ZNF540: variants seen among roughly 807,000 people sequenced by gnomAD.
The protein encoded by ZNF540 is zinc finger protein 540, also known as CTD-3064H18.6.
ZNF540 carries 3 observed loss-of-function variants against 11.8 expected under a neutral mutation model. That is an observed-to-expected ratio of 0.25 (90% CI 0.12 to 0.65). ZNF540 has a LOEUF of 0.65. Among genes scored for constraint, ZNF540 ranks in the 30% least tolerant of loss-of-function variants. The pLI, the probability that ZNF540 is intolerant of heterozygous loss-of-function variation, is 0.83. For synonymous variants in ZNF540, 247 were observed against 259.0 expected, an observed-to-expected ratio of 0.95 and a Z score of 0.45; for missense variants, 709 against 793.1, an observed-to-expected ratio of 0.89 and a Z score of 1.27.
intron 1 of ZNF540, chr19:37,586,824 C>T: frequency 3.6e-6 from 3 of 823,562 alleles, no homozygotes; most frequent in Non-Finnish European, 5.8e-6. Flanking sequence ...ACCTTTACTT[C>T]TCCTCTTTTG....
chr19:37,578,282 C>G (rs1418230709), intron 1 of ZNF540, among the ~76,000 whole-genome samples: 1 of 152,124 alleles, frequency 6.6e-6, no homozygotes, highest in Non-Finnish European at 1.5e-5. Context: ...TCACAGAGAA[C>G]AGAGAGACAA....
upstream of ZNF540, among the ~76,000 whole-genome samples, chr19:37,590,407 G>A (rs570971998): frequency 4.7e-5 from 7 of 150,226 alleles, no homozygotes; most frequent in Non-Finnish European, 8.9e-5. Flanking sequence ...ACAGAGTGAG[G>A]CTCCGTTTCA....
chr19:37,593,367 ACT>A (rs1204914454), upstream of ZNF540, among the ~76,000 whole-genome samples: 3 of 152,050 alleles, frequency 2.0e-5, no homozygotes, highest in East Asian at 5.8e-4. Flanking sequence ...AAATTTTAAA[ACT>A]CTTCAAATTT....
At chr19:37,606,897 G>C (rs896315727) in intron 4 of ZNF540, among the ~76,000 whole-genome samples, 1 of 151,430 alleles carries the variant, frequency 6.6e-6, no homozygotes, top group East Asian at 1.9e-4. Context: ...TTTTCATTTT[G>C]ATGAAGCCAA....
intron 1 of ZNF540, chr19:37,585,000 A>G (rs1055014056): frequency 8.6e-5 from 13 of 151,622 alleles, no homozygotes; most frequent in African/African-American, 2.9e-4. Flanking sequence ...CAAATTCTCT[A>G]ATGTCTTTGA....
Position 37,612,711 on chromosome 19 carries a change from A to C in ZNF540, c.1431A>C (p.Arg477=). ...YECKECGKTF[R]VRSQISLHKK... ...GTAAGGAATGTGGGAAGACCTTTCG[A>C]GTTCGTTCTCAAATTAGTCTACATA... is the stretch of plus-strand genomic sequence containing the variant. Residue 477 remains arginine (R), a synonymous_variant, in exon 5 of 5, where the codon CGA becomes CGC. Coordinates refer to ENST00000316433, the MANE Select transcript of ZNF540 (RefSeq NM_001172225.3). 2 of 1,614,036 alleles carry C rather than the reference A, an allele frequency of 1.2e-6. No individual in the cohort carries two copies. The highest frequency in any genetic ancestry group is 1.7e-6 in the Non-Finnish European group (2 of 1,179,976).
At chr19:37,605,240 C>T (rs1274248360) in intron 4 of ZNF540, among the ~76,000 whole-genome samples, 1 of 152,060 alleles carries the variant, frequency 6.6e-6, no homozygotes, top group Admixed American at 6.5e-5. Context: ...GCAGGCGGAT[C>T]GCTTGAGCCC....
At position 37,612,111 on chromosome 19, in the gene ZNF540, T is replaced by C; in HGVS notation, c.831T>C (p.Asp277=). 1 of 1,611,604 alleles carries C rather than the reference T, an allele frequency of 6.2e-7. No individual in the cohort carries two copies. The highest frequency in any genetic ancestry group is 1.7e-5 in the Admixed American group (1 of 59,816). The change falls in exon 5 of 5, where the codon GAT becomes GAC. Residue 277 remains aspartate (D), a synonymous_variant. Transcript: ENST00000316433. ...AACCCTATATGTGTAAGAAATGTGA[T>C]AAGGGTTTTTTTAGTAGATTAGAAC... ...GKKPYMCKKC[D]KGFFSRLELT...
rs184986976 is a variant in ZNF540 at position 37,571,556 on chromosome 19, A to C, written c.-73+19891A>C. On this transcript the variant is annotated intron_variant, in intron 1 of 4. Coordinates refer to the ZNF540 transcript ENST00000592533. ...CTATGAACAAATCCATAGCCAAACC[A>C]TACACAAGGTTCCCCAACTTATGAT... Among the ~76,000 whole-genome samples the C allele has an allele frequency of 2.1e-4, 32 of 152,262 alleles. 1 individual carries two copies. Among genetic ancestry groups the C allele is most frequent in the Non-Finnish European group, 1.5e-5 (1 of 68,014 alleles).
chr19:37,594,871 C>A, upstream of ZNF540: 1 of 152,286 alleles, frequency 6.6e-6, no homozygotes, highest in Non-Finnish European at 1.5e-5. Context: ...CTGCGCAGGC[C>A]CAGCAGCTAA....
intron 4 of ZNF540, among the ~76,000 whole-genome samples, chr19:37,601,617 G>A (rs1403109918): frequency 6.6e-6 from 1 of 152,198 alleles, no homozygotes; most frequent in East Asian, 1.9e-4. Context: ...AATGATGCAT[G>A]CTATGAAAGA....
intron 1 of ZNF540, among the ~76,000 whole-genome samples, chr19:37,581,614 G>A (rs1414169525): frequency 6.6e-6 from 1 of 151,736 alleles, no homozygotes; most frequent in African/African-American, 2.4e-5. Context: ...ACAGGCATGT[G>A]ACATAATGCC....
At chr19:37,586,279 C>T (rs546992639) in intron 1 of ZNF540, 1 of 169,328 alleles carries the variant, frequency 5.9e-6, no homozygotes, top group South Asian at 2.0e-4. Context: ...AATGCTATCA[C>T]TTTCAAATGG....
chr19:37,599,506 G>A, intron 2 of ZNF540, 120 bp from the exon 3 acceptor site: 2 of 1,159,256 alleles, frequency 1.7e-6, no homozygotes, highest in East Asian at 2.5e-5. Flanking sequence ...TAAGCTTTCA[G>A]CCCCAGCCTA....
intron 4 of ZNF540, 118 bp downstream of exon 4, chr19:37,601,223 C>T: frequency 1.3e-6 from 1 of 752,384 alleles, no homozygotes; most frequent in South Asian, 2.0e-5. Context: ...AGGCCTCAGG[C>T]CTTTGGAGTA....
At chr19:37,593,140 T>C (rs1484475668), upstream of ZNF540, among the ~76,000 whole-genome samples, 1 of 152,156 alleles carries the variant, frequency 6.6e-6, no homozygotes, top group Non-Finnish European at 1.5e-5. Context: ...TTTTTTTATG[T>C]TGGTATAACA....
At chr19:37,603,010 T>TC (rs2147228476) in intron 4 of ZNF540, among the ~76,000 whole-genome samples, 1 of 144,216 alleles carries the variant, frequency 6.9e-6, no homozygotes, top group East Asian at 2.0e-4. Context: ...GAGTCTTTTT[T>TC]TTTTTTTTTT....
chr19:37,578,834 ACT>A (rs1351133789), intron 1 of ZNF540, among the ~76,000 whole-genome samples: 9 of 152,132 alleles, frequency 5.9e-5, no homozygotes, highest in Non-Finnish European at 1.3e-4. Flanking sequence ...CTCCGCCTAA[ACT>A]CTGGTGGCCT....
chr19:37,554,736 G>C (rs1202213410), intron 1 of ZNF540: 1 of 152,124 alleles, frequency 6.6e-6, no homozygotes, highest in African/African-American at 2.4e-5. Context: ...CTTTTACAGT[G>C]TTTTTCCCTT....
Sources: allele counts gnomAD v4.1 joint callset (sites outside exome capture counted in the v4.1 genomes callset), GRCh38; gene constraint gnomAD v4.1.1; transcripts MANE v1.5; gene names NCBI Gene and HGNC (gene_info 2026-07-23, HGNC 2026-07-21).